POT1: variants seen among roughly 807,000 people sequenced by gnomAD.
The protein encoded by POT1 is protection of telomeres 1, also known as protection of telomeres protein 1.
A neutral mutation model predicts 78.5 loss-of-function variants in POT1; 47 were observed. The observed-to-expected ratio is 0.60, with a 90% CI of 0.47 to 0.76. The LOEUF is 0.76. POT1 is among the 30% of genes least tolerant of loss of function. The pLI is 0.00. For synonymous variants in POT1, 259 were observed against 260.7 expected (o/e 0.99, Z 0.06); for missense variants, 646 against 749.9 (o/e 0.86, Z 1.62).
intron 5 of POT1, among the ~76,000 whole-genome samples, chr7:124,895,463 A>G (rs1169409528): frequency 1.3e-5 from 2 of 151,802 alleles, no homozygotes; most frequent in African/African-American, 4.8e-5. Context: ...CTAGCGGACA[A>G]AAATCAAGCA....
chr7:124,898,990 T>C (rs1431845269), intron 3 of POT1, among the ~76,000 whole-genome samples: 1 of 152,218 alleles, frequency 6.6e-6, no homozygotes, highest in Non-Finnish European at 1.5e-5. Flanking sequence ...CATTGCTGCA[T>C]ATATATTTTT....
chr7:124,880,990 C>T (rs1796104636), intron 6 of POT1, among the ~76,000 whole-genome samples: 1 of 151,926 alleles, frequency 6.6e-6, no homozygotes, highest in African/African-American at 2.4e-5. Context: ...TACACGTTAG[C>T]ATGTTCTTAG....
chr7:124,829,726 C>CTA (rs546858709), intron 15 of POT1, among the ~76,000 whole-genome samples: 2 of 149,988 alleles, frequency 1.3e-5, no homozygotes, highest in Non-Finnish European at 3.0e-5. Flanking sequence ...ATATCTATAT[C>CTA]TATATATATA....
At chr7:124,856,381 C>T (rs1242399071) in intron 9 of POT1, among the ~76,000 whole-genome samples, 1 of 152,130 alleles carries the variant, frequency 6.6e-6, no homozygotes, top group African/African-American at 2.4e-5. Flanking sequence ...AAATCATTTT[C>T]ATATTGCATT....
At chr7:124,926,018 G>A (rs1308486115) in intron 2 of POT1, among the ~76,000 whole-genome samples, 1 of 151,916 alleles carries the variant, frequency 6.6e-6, no homozygotes, top group Non-Finnish European at 1.5e-5. Flanking sequence ...AGAAAACCTA[G>A]GAAAAACTCT....
intron 3 of POT1, among the ~76,000 whole-genome samples, chr7:124,908,642 A>G (rs34065666): frequency 0.042 from 6,353 of 151,970 alleles, 328 homozygotes; most frequent in African/African-American, 0.12. Flanking sequence ...TGGATAAAAT[A>G]ATTATGTAAT....
chr7:124,879,185 A>G (rs1282264090), intron 6 of POT1, among the ~76,000 whole-genome samples: 4 of 152,202 alleles, frequency 2.6e-5, no homozygotes, highest in African/African-American at 9.7e-5. Flanking sequence ...ATAATCCAGG[A>G]GGTGAACAAA....
intron 2 of POT1, among the ~76,000 whole-genome samples, chr7:124,919,790 C>T (rs1308132174): frequency 6.6e-6 from 1 of 152,106 alleles, no homozygotes; most frequent in Non-Finnish European, 1.5e-5. Context: ...TTTGTTATGG[C>T]TGACCTGACA....
chr7:124,831,038 G>C (rs1312634150), intron 15 of POT1, among the ~76,000 whole-genome samples: 1 of 152,142 alleles, frequency 6.6e-6, no homozygotes, highest in Non-Finnish European at 1.5e-5. Context: ...AACCTATGTA[G>C]CTGATAAACA....
chr7:124,860,172 T>G (rs764107484), intron 8 of POT1, among the ~76,000 whole-genome samples: 2 of 151,934 alleles, frequency 1.3e-5, no homozygotes, highest in Non-Finnish European at 2.9e-5. Context: ...TTTCCCAGAG[T>G]TGAAAACAGT....
At chr7:124,830,799 C>G (rs1794740776) in intron 15 of POT1, among the ~76,000 whole-genome samples, 1 of 151,564 alleles carries the variant, frequency 6.6e-6, no homozygotes, top group African/African-American at 2.4e-5. Flanking sequence ...AAGCAATTAC[C>G]AAACAAAAAT....
intron 7 of POT1, among the ~76,000 whole-genome samples, 156 bp downstream of exon 7, chr7:124,870,755 T>C (rs1795847851): frequency 1.3e-5 from 2 of 152,112 alleles, no homozygotes; most frequent in South Asian, 4.1e-4. Flanking sequence ...CTGTAAATTA[T>C]TTGAAGTCTG....
At chr7:124,900,126 A>G (rs1796583336) in intron 3 of POT1, among the ~76,000 whole-genome samples, 1 of 152,196 alleles carries the variant, frequency 6.6e-6, no homozygotes, top group Non-Finnish European at 1.5e-5. Flanking sequence ...ATTTGAATAT[A>G]CATATAAAAA....
rs1407823530 is a variant in POT1, at chr7:124,842,800, TACTC to T, written c.1163+3_1163+6del. 8 of 1,589,654 alleles carry T rather than the reference TACTC, an allele frequency of 5.0e-6. No individual in the cohort carries two copies. Among genetic ancestry groups the T allele is most frequent in the South Asian group, 1.2e-5 (1 of 85,984 alleles). On this transcript the variant is annotated splice_donor_5th_base_variant and intron_variant, in intron 13 of 18. Coordinates refer to ENST00000357628, the MANE Select transcript of POT1 (RefSeq NM_015450.3). Reference sequence around the variant, plus strand: ...AAAACGTTTGTTTTATTATGGAAAATACTCACAGCAAATGACATTTAGGGCAATG... The same window carrying T: ...AAAACGTTTGTTTTATTATGGAAAATACAGCAAATGACATTTAGGGCAATG...
chr7:124,860,722 A>G (rs1795570860), intron 8 of POT1, among the ~76,000 whole-genome samples: 2 of 152,164 alleles, frequency 1.3e-5, no homozygotes, highest in South Asian at 2.1e-4. Flanking sequence ...CCCGTCATCT[A>G]CGTTAGGTAT....
At chr7:124,910,348 G>A (rs945178174) in intron 3 of POT1, among the ~76,000 whole-genome samples, 8 of 151,946 alleles carry the variant, frequency 5.3e-5, no homozygotes, top group East Asian at 3.9e-4. Flanking sequence ...GAGATAGAGC[G>A]GTTTCTCTAC....
chr7:124,872,433 T>C (rs920308881), intron 6 of POT1, among the ~76,000 whole-genome samples: 3 of 152,170 alleles, frequency 2.0e-5, no homozygotes, highest in African/African-American at 4.8e-5. Flanking sequence ...AAATAAACAA[T>C]GTGAATCATC....
At chr7:124,854,660 C>T (rs1307211739) in intron 9 of POT1, among the ~76,000 whole-genome samples, 4 of 151,798 alleles carry the variant, frequency 2.6e-5, no homozygotes, top group Non-Finnish European at 5.9e-5. Context: ...ACAAGCCTTT[C>T]CTTTGACCTC....
intron 6 of POT1, among the ~76,000 whole-genome samples, chr7:124,872,181 T>C (rs540600842): frequency 1.3e-5 from 2 of 152,188 alleles, no homozygotes; most frequent in Non-Finnish European, 2.9e-5. Context: ...TATGTCTAAA[T>C]AGTATTCCAC....
Sources: gnomAD v4.1 joint callset for allele counts (sites outside exome capture counted in the v4.1 genomes callset) on GRCh38, gnomAD v4.1.1 for gene constraint, MANE v1.5 for transcripts, NCBI Gene and HGNC (gene_info 2026-07-23, HGNC 2026-07-21) for gene names.